The following R3HDM2 variants were observed in gnomAD, a reference collection of about 807,000 sequenced individuals.
R3HDM2 encodes the protein R3H domain containing 2, also known as R3H domain-containing protein 2.
A neutral mutation model predicts 124.5 loss-of-function variants in R3HDM2; 38 were observed. The ratio of observed to expected loss-of-function variants is 0.31; its 90% confidence interval spans 0.24 to 0.40. The LOEUF is 0.40. Ranked by LOEUF, R3HDM2 falls within the 10% of genes least tolerant of loss-of-function variation. The probability of loss-of-function intolerance (pLI) is 1.00; values close to 1 mark genes in which losing one functional copy is unlikely to be tolerated. For synonymous variants in R3HDM2, 391 were observed against 448.0 expected, an observed-to-expected ratio of 0.87 and a Z score of 1.61; for missense variants, 869 against 1,236.9, an observed-to-expected ratio of 0.70 and a Z score of 4.46.
intron 17 of R3HDM2, 30 bp downstream of exon 17, chr12:57,268,892 G>T: frequency 6.2e-7 from 1 of 1,608,152 alleles, no homozygotes; most frequent in Non-Finnish European, 8.5e-7. Flanking sequence ...AAGGACTGGG[G>T]TGATCCTTCC....
At chr12:57,298,364 A>G (rs1475944128) in intron 6 of R3HDM2, among the ~76,000 whole-genome samples, 196 bp from the exon 7 acceptor site, 1 of 152,204 alleles carries the variant, frequency 6.6e-6, no homozygotes, top group Non-Finnish European at 1.5e-5. Context: ...ATGACAGAAG[A>G]AAGAATCTGG....
chr12:57,329,640 A>T (rs933557568), intron 2 of R3HDM2, among the ~76,000 whole-genome samples: 4 of 152,160 alleles, frequency 2.6e-5, no homozygotes, highest in African/African-American at 9.7e-5. Context: ...TTCCCACGTC[A>T]AATTGACATC....
At chr12:57,360,018 TATATACAC>T (rs1168362428) in intron 2 of R3HDM2, among the ~76,000 whole-genome samples, 7 of 87,088 alleles carry the variant, frequency 8.0e-5, no homozygotes, top group South Asian at 4.8e-4. Context: ...TATATATATA[TATATACAC>T]ACATATATAT....
intron 6 of R3HDM2, among the ~76,000 whole-genome samples, chr12:57,299,011 C>A (rs1307003943): frequency 5.3e-5 from 8 of 152,066 alleles, no homozygotes; most frequent in African/African-American, 1.9e-4. Flanking sequence ...ATCACCCTAG[C>A]CATCCCCAAA....
chr12:57,413,493 T>C (rs1172177948), intron 1 of R3HDM2, among the ~76,000 whole-genome samples: 1 of 150,376 alleles, frequency 6.6e-6, no homozygotes, highest in Non-Finnish European at 1.5e-5. Context: ...CCCAGCACTT[T>C]GGGAGGCGGA....
chr12:57,359,109 G>A (rs2061606171), intron 2 of R3HDM2, among the ~76,000 whole-genome samples: 1 of 151,984 alleles, frequency 6.6e-6, no homozygotes, highest in Non-Finnish European at 1.5e-5. Context: ...GTAGAGGCGA[G>A]GTTTCACATG....
chr12:57,345,165 A>C (rs115379282), intron 2 of R3HDM2, among the ~76,000 whole-genome samples: 1,846 of 152,154 alleles, frequency 0.012, 31 homozygotes, highest in African/African-American at 0.042. Flanking sequence ...GGAAAAAAAA[A>C]CCAGATCATC....
intron 2 of R3HDM2, among the ~76,000 whole-genome samples, chr12:57,379,932 G>C (rs1223086582): frequency 6.6e-6 from 1 of 151,904 alleles, no homozygotes; most frequent in Admixed American, 6.6e-5. Context: ...TAATATAAAG[G>C]TATTTCTGAT....
chr12:57,423,673 G>T (rs956225340), intron 1 of R3HDM2, among the ~76,000 whole-genome samples: 1 of 150,886 alleles, frequency 6.6e-6, no homozygotes, highest in Non-Finnish European at 1.5e-5. Context: ...TTAGCCAGAC[G>T]TGGTGGCGGG....
At chr12:57,377,488 TC>T (rs543389079) in intron 2 of R3HDM2, among the ~76,000 whole-genome samples, 16 of 151,984 alleles carry the variant, frequency 1.1e-4, no homozygotes, top group Admixed American at 4.6e-4. Context: ...TTTCTAGACC[TC>T]CCCTTTCCTT....
Position 57,283,828 on chromosome 12 carries a change from C to G in R3HDM2, c.1167G>C (p.Arg389Ser). The G allele has an allele frequency of 6.2e-7, 1 of 1,614,070 alleles. No individual in the cohort carries two copies. Among genetic ancestry groups the G allele is most frequent in the Non-Finnish European group, 8.5e-7 (1 of 1,179,952 alleles). The change falls in exon 13 of 24, where the codon AGG (arginine) becomes AGC (serine). Residue 389 changes from arginine (R) to serine (S), a missense_variant. This residue lies in a region of R3HDM2 where 602 missense variants were observed against 789.2 expected (regional missense o/e 0.76). Coordinates refer to ENST00000402412, the MANE Select transcript of R3HDM2 (RefSeq NM_001394031.1). ...SKGGSAGRIS[R>S]PGMALGAPEV... ...GAAGAAAAGAAGCTGTAATACCTGG[C>G]CTGGAGATCCTTCCCGCACTGCCGC...
intron 2 of R3HDM2, among the ~76,000 whole-genome samples, chr12:57,352,780 C>A (rs1311639175): frequency 6.6e-6 from 1 of 152,088 alleles, no homozygotes; most frequent in Non-Finnish European, 1.5e-5. Flanking sequence ...AGGCGTGAAC[C>A]ATGGCATCCA....
intron 2 of R3HDM2, among the ~76,000 whole-genome samples, chr12:57,388,615 G>A (rs2138606506): frequency 6.6e-6 from 1 of 152,276 alleles, no homozygotes; most frequent in East Asian, 1.9e-4. Context: ...AGGGTCTGGT[G>A]ATAGCTGGGT....
chr12:57,415,665 C>A (rs866115394), intron 1 of R3HDM2, among the ~76,000 whole-genome samples: 1 of 150,642 alleles, frequency 6.6e-6, no homozygotes, highest in Non-Finnish European at 1.5e-5. Flanking sequence ...TCAATTTAAC[C>A]AAGCAGACAT....
chr12:57,364,143 CTTTTTTTTTTT>C (rs11320875), intron 2 of R3HDM2, among the ~76,000 whole-genome samples: 1 of 81,672 alleles, frequency 1.2e-5, no homozygotes, highest in African/African-American at 4.6e-5. Context: ...GACTCGGTGT[CTTTTTTTTTTT>C]TTTTTTTTTT....
At chr12:57,378,967 G>A (rs1170550844) in intron 2 of R3HDM2, among the ~76,000 whole-genome samples, 3 of 152,102 alleles carry the variant, frequency 2.0e-5, no homozygotes, top group African/African-American at 4.8e-5. Context: ...GTCACAAAAC[G>A]ACAAATTCTG....
chr12:57,360,204 T>C (rs1446080941), intron 2 of R3HDM2, among the ~76,000 whole-genome samples: 1 of 151,442 alleles, frequency 6.6e-6, no homozygotes, highest in Admixed American at 6.6e-5. Flanking sequence ...AATTTTGAAT[T>C]TTTAGTAGAG....
intron 10 of R3HDM2, among the ~76,000 whole-genome samples, chr12:57,294,632 C>A (rs184389595): frequency 4.4e-4 from 67 of 152,278 alleles, no homozygotes; most frequent in African/African-American, 1.5e-3. Context: ...CTCAACCACG[C>A]TCTTCAAATC....
intron 2 of R3HDM2, among the ~76,000 whole-genome samples, chr12:57,349,379 C>CAAAAAAAAAAAAAAAAAAAAAAAA (rs1161831845): frequency 1.7e-4 from 10 of 57,744 alleles, no homozygotes; most frequent in Admixed American, 2.3e-4. Context: ...ACTCCGTCTC[C>CAAAAAAAAAAAAAAAAAAAAAAAA]AAAAAAAAAA....
Sources: allele counts gnomAD v4.1 joint callset (sites outside exome capture counted in the v4.1 genomes callset), GRCh38; gene constraint gnomAD v4.1.1; regional missense constraint gnomAD v4.1.1; transcripts MANE v1.5; gene names NCBI Gene and HGNC (gene_info 2026-07-23, HGNC 2026-07-21).